Variants in USP2 observed in about 807,000 individuals in gnomAD.
USP2 encodes ubiquitin carboxyl-terminal hydrolase 2.
USP2 carries 33 observed loss-of-function variants against 72.0 expected under a neutral mutation model. The ratio of observed to expected loss-of-function variants is 0.46; its 90% confidence interval spans 0.35 to 0.61. The LOEUF is 0.61. Among genes scored for constraint, USP2 ranks in the 20% least tolerant of loss-of-function variants. The probability of loss-of-function intolerance (pLI) is 0.01; values close to 1 mark genes in which losing one functional copy is unlikely to be tolerated. For synonymous variants in USP2, 296 were observed against 312.5 expected (o/e 0.95, Z 0.56); for missense variants, 691 against 797.8 (o/e 0.87, Z 1.61).
intron 1 of USP2, 160 bp downstream of exon 1, chr11:119,381,313 A>G: frequency 1.3e-6 from 1 of 787,308 alleles, no homozygotes; most frequent in Non-Finnish European, 2.0e-6. Context: ...CCCTCACACA[A>G]CTGGCAGACA....
rs376144411 is a variant in USP2 at position 119,357,183 on chromosome 11, T to G, written c.1730+4A>C. 3.2e-5 allele frequency: 52 copies of G among 1,613,240 alleles called. No individual in the cohort carries two copies. The highest frequency in any genetic ancestry group is 5.0e-5 in the Admixed American group (3 of 59,978). On this transcript the variant is annotated splice_donor_region_variant and intron_variant, in intron 12 of 12. Transcript: ENST00000260187. ...AGGGGCTCCGGCCCTGCCCTGGCTC[T>G]CACCTGGAGTCGTTGAAAGTGTGCC...
rs1329189178 is a variant in USP2 at position 119,360,164 on chromosome 11, G to T, written c.825+20C>A. 2.5e-6 allele frequency: 4 copies of T among 1,612,246 alleles called. No individual in the cohort carries two copies. The highest frequency in any genetic ancestry group is 3.4e-6 in the Non-Finnish European group (4 of 1,179,526). On this transcript the variant is annotated intron_variant, in intron 3 of 12. Transcript: ENST00000260187. ...AGTAGGGGGTGGGCCTGGGGAAGAAGCAGGCCAGGAAAAACTCACCGTGTT... is the reference window on the plus strand; with the variant it reads ...AGTAGGGGGTGGGCCTGGGGAAGAATCAGGCCAGGAAAAACTCACCGTGTT...
chr11:119,358,880 C>A, intron 6 of USP2, 43 bp from the exon 7 acceptor site: 1 of 1,609,738 alleles, frequency 6.2e-7, no homozygotes, highest in Non-Finnish European at 8.5e-7. Flanking sequence ...AAGCTCAAAA[C>A]TTAAGTTTAA....
At chr11:119,367,134 A>G (rs1433207995) in intron 2 of USP2, among the ~76,000 whole-genome samples, 1 of 152,180 alleles carries the variant, frequency 6.6e-6, no homozygotes, top group Non-Finnish European at 1.5e-5. Context: ...TACAAAGGAT[A>G]GAGGCTTCTG....
intron 2 of USP2, among the ~76,000 whole-genome samples, chr11:119,362,076 CCT>C (rs2135392846): frequency 6.6e-6 from 1 of 152,318 alleles, no homozygotes; most frequent in South Asian, 2.1e-4. Flanking sequence ...GTTCTTAGCC[CCT>C]GTGCCTCAGA....
In USP2 at chr11:119,372,915, G is replaced by A; in HGVS notation, c.566C>T (p.Ala189Val). The A allele has an allele frequency of 6.2e-7, 1 of 1,612,330 alleles. No individual in the cohort carries two copies. The highest frequency in any genetic ancestry group is 8.5e-7 in the Non-Finnish European group (1 of 1,179,466). ...LCTLQGLYQT[A>V]SCPEYLVDYL... The stretch of plus-strand genomic sequence containing the variant: ...GTCGACCAGGTATTCAGGGCAGCTG[G>A]CTGTCTGGTAGAGCCCCTGCAGGGT... Residue 189 changes from alanine to valine, a missense_variant, in exon 2 of 13, where the codon GCC becomes GTC. By Grantham distance (64) the Ala-to-Val change is moderately conservative. Transcript: ENST00000260187.
chr11:119,357,341 C>T, intron 11 of USP2, 34 bp from the exon 12 acceptor site: 1 of 1,612,020 alleles, frequency 6.2e-7, no homozygotes. Flanking sequence ...CCCCCGAGGC[C>T]CCCCTGCCCC....
rs944580844 is a variant in USP2 at position 119,360,128 on chromosome 11, C to T, written c.825+56G>A. On this transcript the variant is annotated intron_variant, in intron 3 of 12. Transcript: ENST00000260187. ...AGAAGGGGACTCTGGTTATATGGCT[C>T]CAGTCAGCATAGTAGGGGGTGGGCC... 3.1e-6 allele frequency: 5 copies of T among 1,596,050 alleles called. No homozygotes were observed. The African/African-American group carries it at 5.4e-5, about 17-fold the overall frequency.
intron 7 of USP2, 40 bp from the exon 8 acceptor site, chr11:119,358,292 G>A: frequency 6.3e-7 from 1 of 1,576,824 alleles, no homozygotes; most frequent in Non-Finnish European, 8.7e-7. Context: ...AATACAGGAA[G>A]TAGAGCATGG....
intron 1 of USP2, chr11:119,376,452 G>GC (rs1951003042): frequency 1.0e-6 from 1 of 962,490 alleles, no homozygotes; most frequent in African/African-American, 1.8e-5. Context: ...AGTGCGGGGG[G>GC]CCCCTGCTGC....
intron 1 of USP2, 80 bp downstream of exon 1, chr11:119,381,393 T>C (rs1951056543): frequency 6.9e-7 from 1 of 1,438,852 alleles, no homozygotes. Flanking sequence ...CAGAATGTCG[T>C]GGACACCTTA....
intron 2 of USP2, among the ~76,000 whole-genome samples, chr11:119,361,813 G>C (rs924123754): frequency 1.3e-5 from 2 of 152,134 alleles, no homozygotes; most frequent in Non-Finnish European, 2.9e-5. Context: ...CAGCAGGTGG[G>C]ATATAAGCAT....
chr11:119,379,317 AG>A (rs1433011750), intron 1 of USP2: 2 of 978,288 alleles, frequency 2.0e-6, no homozygotes, highest in East Asian at 1.2e-4. Flanking sequence ...GGCATTTTGA[AG>A]GGGAACAATC....
intron 12 of USP2, 87 bp from the exon 13 acceptor site, chr11:119,357,009 G>T: frequency 6.7e-7 from 1 of 1,501,428 alleles, no homozygotes; most frequent in Non-Finnish European, 9.0e-7. Flanking sequence ...AGGCCGGCCG[G>T]CCTGCCTTTC....
In USP2 at chr11:119,357,248, G is replaced by A. The variant is rs746131136; in HGVS notation, c.1669C>T (p.His557Tyr). ...GGACTGCGACAGTAGGCTGTATAGT[G>A]GCCACCCATGGTGGTTCCGGAGTGA... The part of the protein sequence containing the change: ...SNHSGTTMGG[H>Y]YTAYCRSPGT... Residue 557 changes from histidine (H) to tyrosine (Y), a missense_variant, in exon 12 of 13, where the codon CAC becomes TAC. Physicochemically the swap from His to Tyr is moderately conservative, Grantham distance 83 (BLOSUM62 2). Coordinates refer to ENST00000260187, the MANE Select transcript of USP2 (RefSeq NM_004205.5). The A allele has an allele frequency of 6.2e-7, 1 of 1,613,760 alleles. No individual in the cohort carries two copies. The highest frequency in any genetic ancestry group is 8.5e-7 in the Non-Finnish European group (1 of 1,179,958).
intron 2 of USP2, chr11:119,364,266 C>T (rs1310515005): frequency 1.1e-6 from 1 of 889,956 alleles, no homozygotes; most frequent in Non-Finnish European, 1.4e-6. Flanking sequence ...GGGCCAGGCC[C>T]TAAGCCCCGC....
Position 119,373,058 on chromosome 11 carries a change from G to A in USP2, c.423C>T (p.Asp141=), listed in dbSNP as rs1466069510. 6.2e-7 allele frequency: 1 copy of A among 1,613,858 alleles called. No individual in the cohort carries two copies. The highest frequency in any genetic ancestry group is 8.5e-7 in the Non-Finnish European group (1 of 1,180,044). The stretch of plus-strand genomic sequence containing the variant: ...AATCCCGGGCCAGGTCTGATTGGCT[G>A]TCCAGCTTCTGGGTTAGGGTCACCC... ...DQGVTLTQKL[D]SQSDLARDFS... Residue 141 remains aspartate (D), a synonymous_variant, in exon 2 of 13, where the codon GAC becomes GAT. Coordinates refer to ENST00000260187, the MANE Select transcript of USP2 (RefSeq NM_004205.5).
intron 2 of USP2, chr11:119,364,110 G>A: frequency 8.2e-7 from 1 of 1,226,300 alleles, no homozygotes. Context: ...ACCGCTACAG[G>A]ACAGCGTCCG....
chr11:119,363,792 G>A, intron 2 of USP2: 2 of 1,314,214 alleles, frequency 1.5e-6, no homozygotes, highest in Non-Finnish European at 2.0e-6. Flanking sequence ...CAGAGGCCAG[G>A]GAGAAGGCGG....
Sources: gnomAD v4.1 joint callset for allele counts (sites outside exome capture counted in the v4.1 genomes callset) on GRCh38, gnomAD v4.1.1 for gene constraint, MANE v1.5 for transcripts, NCBI Gene and HGNC (gene_info 2026-07-23, HGNC 2026-07-21) for gene names.